Variants in MACROD2 observed in about 807,000 individuals in gnomAD.
MACROD2 encodes the protein ADP-ribose glycohydrolase MACROD2.
A neutral mutation model predicts 70.4 loss-of-function variants in MACROD2; 36 were observed. That is an observed-to-expected ratio of 0.51 (90% CI 0.39 to 0.68). The LOEUF is 0.68. MACROD2 is among the 30% of genes least tolerant of loss of function. MACROD2 has a pLI of 0.00. For missense variants in MACROD2, 496 were observed against 538.4 expected, an observed-to-expected ratio of 0.92 and a Z score of 0.78; for synonymous variants, 172 against 178.8, an observed-to-expected ratio of 0.96 and a Z score of 0.30.
intron 3 of MACROD2, among the ~76,000 whole-genome samples, chr20:14,212,941 T>G (rs2122138591): frequency 6.6e-6 from 1 of 151,924 alleles, no homozygotes; most frequent in South Asian, 2.1e-4. Flanking sequence ...AACCTCCAGA[T>G]TCTACATGTG....
At chr20:14,228,195 T>A (rs907848659) in intron 3 of MACROD2, among the ~76,000 whole-genome samples, 35 of 151,388 alleles carry the variant, frequency 2.3e-4, no homozygotes, top group African/African-American at 8.5e-4. Flanking sequence ...AGAGAGAGAG[T>A]GTGTGTGTGC....
intron 4 of MACROD2, among the ~76,000 whole-genome samples, chr20:14,602,718 C>G (rs1982575264): frequency 6.6e-6 from 1 of 152,154 alleles, no homozygotes; most frequent in African/African-American, 2.4e-5. Flanking sequence ...TATAAGTTTT[C>G]TATACTGTTC....
intron 5 of MACROD2, among the ~76,000 whole-genome samples, chr20:14,814,874 A>C (rs1007865293): frequency 1.3e-5 from 2 of 152,004 alleles, no homozygotes; most frequent in African/African-American, 2.4e-5. Flanking sequence ...TCAGCTCTTA[A>C]GATGCTTGGA....
intron 5 of MACROD2, among the ~76,000 whole-genome samples, chr20:14,953,494 G>A (rs556611073): frequency 6.6e-6 from 1 of 152,216 alleles, no homozygotes; most frequent in East Asian, 1.9e-4. Flanking sequence ...TTTTGGTAGA[G>A]ATGGGGTTTC....
chr20:15,460,900 A>C (rs57938623), intron 7 of MACROD2, among the ~76,000 whole-genome samples: 5,485 of 149,612 alleles, frequency 0.037, 116 homozygotes, highest in South Asian at 0.063. Flanking sequence ...TGGAGAAGTG[A>C]GGGTAGATGT....
At chr20:14,184,379 G>T (rs1295080934) in intron 3 of MACROD2, among the ~76,000 whole-genome samples, 2 of 152,038 alleles carry the variant, frequency 1.3e-5, no homozygotes, top group Non-Finnish European at 1.5e-5. Context: ...CTGTTGCATT[G>T]GTCAATGTGT....
chr20:15,239,858 T>G (rs575353163), intron 6 of MACROD2, among the ~76,000 whole-genome samples: 44 of 152,344 alleles, frequency 2.9e-4, no homozygotes, highest in African/African-American at 1.0e-3. Context: ...CTTTACCATC[T>G]CTACCCTCTC....
intron 3 of MACROD2, among the ~76,000 whole-genome samples, chr20:14,203,624 G>A (rs1204026054): frequency 3.9e-5 from 6 of 152,186 alleles, no homozygotes; most frequent in African/African-American, 1.2e-4. Flanking sequence ...GCACAGTAGT[G>A]TAGTCTTCAT....
At chr20:15,816,672 T>C (rs889006931) in intron 8 of MACROD2, among the ~76,000 whole-genome samples, 1 of 152,224 alleles carries the variant, frequency 6.6e-6, no homozygotes, top group Non-Finnish European at 1.5e-5. Context: ...TACTGATAGA[T>C]GATCAACCCT....
At chr20:15,482,575 C>T (rs564318625) in intron 7 of MACROD2, among the ~76,000 whole-genome samples, 119 of 152,192 alleles carry the variant, frequency 7.8e-4, no homozygotes, top group Non-Finnish European at 1.4e-3. Context: ...CTCTTTTGTG[C>T]GAATACCAAG....
intron 4 of MACROD2, 140 bp downstream of exon 4, chr20:14,493,648 A>G: frequency 1.6e-6 from 1 of 614,616 alleles, no homozygotes. Flanking sequence ...TCTTTCAAAA[A>G]TAATTTATAA....
intron 4 of MACROD2, among the ~76,000 whole-genome samples, chr20:14,506,829 C>T (rs1389159640): frequency 2.0e-5 from 3 of 152,052 alleles, no homozygotes; most frequent in Non-Finnish European, 4.4e-5. Context: ...CACGTGCCTG[C>T]AGTCCCAGCT....
chr20:14,539,681 C>T lies in MACROD2; in HGVS notation c.301+46173C>T, dbSNP rs576762206. ...TTAAAAATTAAAAAGATGCATTCAA[C>T]GTATGTGCCATAAATCCTCTATTTT... On this transcript the variant is annotated intron_variant, in intron 4 of 17. Coordinates refer to ENST00000684519, the MANE Select transcript of MACROD2 (RefSeq NM_001351661.2). Among the ~76,000 whole-genome samples the T allele has an allele frequency of 1.6e-4, 24 of 152,300 alleles. No homozygotes were observed. In the South Asian group the frequency reaches 4.1e-3, roughly 26 times the overall value.
intron 8 of MACROD2, among the ~76,000 whole-genome samples, chr20:15,577,923 G>A (rs548077020): frequency 6.6e-6 from 1 of 152,232 alleles, no homozygotes; most frequent in African/African-American, 2.4e-5. Context: ...CTGAATATAA[G>A]GTCAGTTACC....
intron 3 of MACROD2, among the ~76,000 whole-genome samples, chr20:14,477,578 T>C (rs1201588249): frequency 6.6e-6 from 1 of 152,184 alleles, no homozygotes; most frequent in Non-Finnish European, 1.5e-5. Flanking sequence ...TCTAGGTATT[T>C]TTTTAAAGAA....
chr20:15,125,484 T>A (rs1245575154), intron 5 of MACROD2, among the ~76,000 whole-genome samples: 1 of 152,120 alleles, frequency 6.6e-6, no homozygotes, highest in Non-Finnish European at 1.5e-5. Context: ...TCAACCAACA[T>A]TTATCAAATA....
At chr20:15,335,173 C>A (rs1298321515) in intron 6 of MACROD2, among the ~76,000 whole-genome samples, 1 of 151,752 alleles carries the variant, frequency 6.6e-6, no homozygotes, top group Non-Finnish European at 1.5e-5. Context: ...GAAAACAACC[C>A]TAGGCCATGA....
At chr20:14,119,142 C>T (rs1461168702) in intron 3 of MACROD2, among the ~76,000 whole-genome samples, 2 of 146,412 alleles carry the variant, frequency 1.4e-5, no homozygotes, top group Non-Finnish European at 3.0e-5. Flanking sequence ...GCCACCGCGC[C>T]TGGCCAAATG....
intron 3 of MACROD2, among the ~76,000 whole-genome samples, chr20:14,428,209 G>C (rs1336701251): frequency 1.3e-5 from 2 of 152,106 alleles, no homozygotes; most frequent in Non-Finnish European, 2.9e-5. Context: ...TATAATAGCT[G>C]ATCCTTTTAG....
Sources: gnomAD v4.1 joint callset for allele counts (sites outside exome capture counted in the v4.1 genomes callset) on GRCh38, gnomAD v4.1.1 for gene constraint, MANE v1.5 for transcripts, NCBI Gene and HGNC (gene_info 2026-07-23, HGNC 2026-07-21) for gene names.